CSMD3: variants seen among roughly 807,000 people sequenced by gnomAD.
CSMD3 encodes the protein CUB and sushi domain-containing protein 3.
In CSMD3, 177 loss-of-function variants were observed where a neutral mutation model predicts 435.2. That is an observed-to-expected ratio of 0.41 (90% CI 0.36 to 0.46). CSMD3 has a LOEUF of 0.46. CSMD3 is among the 20% of genes least tolerant of loss of function. The pLI, the probability that CSMD3 is intolerant of heterozygous loss-of-function variation, is 0.34. For missense variants in CSMD3, 4,265 were observed against 4,504.6 expected (o/e 0.95, Z 1.52); for synonymous variants, 1,656 against 1,520.5 (o/e 1.09, Z -2.07).
rs2076976432 is a variant in CSMD3, at chr8:112,726,860, A to G, written c.1973-36810T>C. Among the ~76,000 whole-genome samples the G allele has an allele frequency of 2.0e-5, 3 of 151,848 alleles. No homozygotes were observed. In the South Asian group the frequency reaches 6.2e-4, roughly 31 times the overall value. On this transcript the variant is annotated intron_variant, in intron 13 of 70. Coordinates refer to ENST00000297405, the MANE Select transcript of CSMD3 (RefSeq NM_198123.2). ...GATTTAATGCTTGATCAATAACACT[A>G]AGCAACAAAATGATATTACATCAAA...
intron 4 of CSMD3, among the ~76,000 whole-genome samples, chr8:113,117,776 T>C (rs917001493): frequency 1.3e-5 from 2 of 152,202 alleles, no homozygotes; most frequent in Non-Finnish European, 2.9e-5. Context: ...AGACATGGGA[T>C]CAAAGGAGAT....
intron 1 of CSMD3, among the ~76,000 whole-genome samples, chr8:113,339,736 T>C (rs1301213477): frequency 6.6e-6 from 1 of 152,026 alleles, no homozygotes; most frequent in Non-Finnish European, 1.5e-5. Flanking sequence ...CTTTATTGCA[T>C]AGATTTTCCC....
intron 35 of CSMD3, among the ~76,000 whole-genome samples, chr8:112,401,994 C>T (rs563525012): frequency 5.3e-5 from 8 of 152,114 alleles, no homozygotes; most frequent in South Asian, 2.1e-4. Context: ...TATTCTGCAT[C>T]GAATACTTTT....
At chr8:112,308,556 T>A (rs1163298941) in intron 50 of CSMD3, among the ~76,000 whole-genome samples, 1 of 152,054 alleles carries the variant, frequency 6.6e-6, no homozygotes, top group East Asian at 1.9e-4. Context: ...AAAGTCATCA[T>A]AATTGAGTGG....
At chr8:112,606,729 A>G (rs546004394) in intron 22 of CSMD3, among the ~76,000 whole-genome samples, 32 of 152,226 alleles carry the variant, frequency 2.1e-4, no homozygotes, top group African/African-American at 7.2e-4. Context: ...AGTTGGTAAC[A>G]GGAGGAAAAC....
At chr8:113,396,102 TA>T (rs938695285) in intron 1 of CSMD3, among the ~76,000 whole-genome samples, 1 of 152,114 alleles carries the variant, frequency 6.6e-6, no homozygotes, top group Non-Finnish European at 1.5e-5. Flanking sequence ...TTACTTCCTC[TA>T]AAAAAACTCT....
At chr8:112,972,819 C>G (rs894558362) in intron 7 of CSMD3, among the ~76,000 whole-genome samples, 3 of 151,854 alleles carry the variant, frequency 2.0e-5, no homozygotes, top group African/African-American at 7.2e-5. Flanking sequence ...ACTCCTTATC[C>G]TCAGAGAGCT....
At chr8:113,324,403 CT>C (rs1474945056) in intron 1 of CSMD3, among the ~76,000 whole-genome samples, 1 of 152,112 alleles carries the variant, frequency 6.6e-6, no homozygotes, top group Non-Finnish European at 1.5e-5. Context: ...GTCCCAGCTG[CT>C]CCAGCCATGA....
chr8:112,349,204 T>G (rs1451591421), intron 40 of CSMD3, among the ~76,000 whole-genome samples: 1 of 152,058 alleles, frequency 6.6e-6, no homozygotes, highest in Non-Finnish European at 1.5e-5. Flanking sequence ...AAATAAACTT[T>G]TAACGAAAAA....
At chr8:112,921,064 G>GATAT (rs200865871) in intron 10 of CSMD3, among the ~76,000 whole-genome samples, 10 of 144,620 alleles carry the variant, frequency 6.9e-5, no homozygotes, top group Admixed American at 4.2e-4. Flanking sequence ...TTCCAGATAA[G>GATAT]ATATATATAC....
chr8:113,018,619 A>C (rs1212210405), intron 6 of CSMD3, among the ~76,000 whole-genome samples: 1 of 152,104 alleles, frequency 6.6e-6, no homozygotes. Flanking sequence ...TGTATTGAAA[A>C]TTATTTATGT....
chr8:112,601,298 C>A (rs1236413518), intron 22 of CSMD3, among the ~76,000 whole-genome samples: 1 of 151,866 alleles, frequency 6.6e-6, no homozygotes, highest in Non-Finnish European at 1.5e-5. Context: ...GGTGAAGTAA[C>A]CCTGTGTTTT....
chr8:113,374,919 T>C (rs2094371581), intron 1 of CSMD3, among the ~76,000 whole-genome samples: 1 of 150,840 alleles, frequency 6.6e-6, no homozygotes, highest in Non-Finnish European at 1.5e-5. Context: ...TATACCTTTA[T>C]CCGTGGCCAA....
intron 1 of CSMD3, among the ~76,000 whole-genome samples, chr8:113,417,320 C>T (rs2129890386): frequency 6.6e-6 from 1 of 151,900 alleles, no homozygotes; most frequent in South Asian, 2.1e-4. Flanking sequence ...AAAGCTAGTT[C>T]CCAAAATGCA....
In CSMD3 at chr8:113,077,057, A is replaced by T. The variant is rs181534185; in HGVS notation, c.917+21699T>A. Among the ~76,000 whole-genome samples the T allele has an allele frequency of 1.1e-4, 16 of 152,252 alleles. No individual in the cohort carries two copies. In the East Asian group the frequency reaches 3.1e-3, roughly 29 times the overall value. ...GTGATGGACTTGTTCTGTTTTGAGCATGGTGGTGGTTACAAGTCCACAAGT... is the reference window on the plus strand; with the variant it reads ...GTGATGGACTTGTTCTGTTTTGAGCTTGGTGGTGGTTACAAGTCCACAAGT... On this transcript the variant is annotated intron_variant, in intron 5 of 70. Transcript: ENST00000297405.
intron 6 of CSMD3, among the ~76,000 whole-genome samples, chr8:112,979,056 G>A (rs76535571): frequency 6.6e-6 from 1 of 151,734 alleles, no homozygotes; most frequent in Admixed American, 6.6e-5. Context: ...ATAAAATTTT[G>A]GTTTTAACTT....
chr8:112,268,363 C>A (rs190424787), intron 59 of CSMD3, among the ~76,000 whole-genome samples: 2 of 152,272 alleles, frequency 1.3e-5, no homozygotes, highest in Non-Finnish European at 2.9e-5. Flanking sequence ...TATGATAAAT[C>A]TAAGTAAATA....
chr8:112,703,162 G>A (rs2076426632), intron 13 of CSMD3, among the ~76,000 whole-genome samples: 1 of 152,114 alleles, frequency 6.6e-6, no homozygotes, highest in African/African-American at 2.4e-5. Context: ...AAATATCTGT[G>A]CATCATCCAC....
At chr8:112,768,452 T>C (rs2078034302) in intron 13 of CSMD3, among the ~76,000 whole-genome samples, 1 of 151,924 alleles carries the variant, frequency 6.6e-6, no homozygotes, top group African/African-American at 2.4e-5. Context: ...CATATGTCTG[T>C]TATAATCTCC....
Sources: gnomAD v4.1 joint callset for allele counts (sites outside exome capture counted in the v4.1 genomes callset) on GRCh38, gnomAD v4.1.1 for gene constraint, MANE v1.5 for transcripts, NCBI Gene and HGNC (gene_info 2026-07-23, HGNC 2026-07-21) for gene names.